KCNQ4: variants seen among roughly 807,000 people sequenced by gnomAD.
KCNQ4 encodes the protein potassium voltage-gated channel subfamily KQT member 4.
Under a neutral mutation model 72.6 loss-of-function variants are expected in KCNQ4, and 31 were observed. The ratio of observed to expected loss-of-function variants is 0.43; its 90% confidence interval spans 0.32 to 0.58. The LOEUF (loss-of-function observed/expected upper bound fraction) is 0.58, where lower values mean the gene tolerates loss of function less well. KCNQ4 is among the 20% of genes least tolerant of loss of function. The probability of loss-of-function intolerance (pLI) is 0.08; values close to 1 mark genes in which losing one functional copy is unlikely to be tolerated. For missense variants in KCNQ4, 869 were observed against 962.6 expected (o/e 0.90, Z 1.29); for synonymous variants, 405 against 403.7 (o/e 1.00, Z -0.04).
In KCNQ4 at chr1:40,819,348, A is replaced by G. The variant is rs1648206112; in HGVS notation, c.710A>G (p.Glu237Gly). The change falls in exon 5 of 14, where the codon GAG (glutamate) becomes GGG (glycine). Residue 237 changes from glutamate to glycine, a missense_variant and splice_region_variant. Physicochemically the swap from Glu to Gly is moderately conservative, Grantham distance 98 (BLOSUM62 -2). This residue lies in a region of KCNQ4 where 179 missense variants were observed against 243.0 expected (regional missense o/e 0.74). Transcript: ENST00000347132. ...LGSVVYAHSK[E>G]LITAWYIGFL... ...CGCGCCCCTCCGCCTGCCCCGCAGGAGCTGATCACCGCCTGGTACATCGGG... is the reference window on the plus strand; with the variant it reads ...CGCGCCCCTCCGCCTGCCCCGCAGGGGCTGATCACCGCCTGGTACATCGGG... 1 of 1,613,462 alleles carries G rather than the reference A, an allele frequency of 6.2e-7. No individual in the cohort carries two copies. The highest frequency in any genetic ancestry group is 1.7e-5 in the Admixed American group (1 of 59,994).
chr1:40,784,428 C>G lies in KCNQ4; in HGVS notation c.314+21C>G, dbSNP rs1048822867. The stretch of plus-strand genomic sequence containing the variant: ...TTCATGTGAGTTTGCGACCCCGCGC[C>G]CTTCCGCGTTTCCCCGCGCAAGCCT... On this transcript the variant is annotated intron_variant, in intron 1 of 13. Transcript: ENST00000347132. The surrounding 1 kb of genome is among the most constrained non-coding windows in gnomAD (Gnocchi z 4.1). The G allele has an allele frequency of 2.5e-6, 4 of 1,603,982 alleles. No individual in the cohort carries two copies. The highest frequency in any genetic ancestry group is 3.4e-6 in the Non-Finnish European group (4 of 1,177,764).
chr1:40,819,082 G>A, intron 4 of KCNQ4: 1 of 545,578 alleles, frequency 1.8e-6, no homozygotes, highest in Non-Finnish European at 3.4e-6. Context: ...AAGGTAGGCC[G>A]GGTGCTGGAG....
intron 1 of KCNQ4, among the ~76,000 whole-genome samples, chr1:40,789,379 G>A (rs769721203): frequency 3.9e-5 from 6 of 152,192 alleles, no homozygotes; most frequent in Non-Finnish European, 5.9e-5. Context: ...TCCTAACCTA[G>A]CCAACAGGGG....
intron 1 of KCNQ4, among the ~76,000 whole-genome samples, chr1:40,805,787 C>T (rs1412485925): frequency 6.6e-6 from 1 of 152,066 alleles, no homozygotes; most frequent in Non-Finnish European, 1.5e-5. Flanking sequence ...CCTGGGCCCA[C>T]AACTCAGTGG....
intron 11 of KCNQ4, among the ~76,000 whole-genome samples, chr1:40,834,154 AC>A (rs1043269431): frequency 2.7e-5 from 4 of 149,436 alleles, no homozygotes; most frequent in African/African-American, 9.9e-5. Context: ...CTGACCTGCC[AC>A]CTGACCCAAG....
chr1:40,801,862 A>T (rs1454529467), intron 1 of KCNQ4, among the ~76,000 whole-genome samples: 1 of 151,420 alleles, frequency 6.6e-6, no homozygotes. Context: ...CTTCCTACTC[A>T]CTCCTGACTT....
chr1:40,806,663 G>GGC (rs1647769907), intron 1 of KCNQ4, among the ~76,000 whole-genome samples: 1 of 150,398 alleles, frequency 6.6e-6, no homozygotes, highest in Non-Finnish European at 1.5e-5. Context: ...AAGAAAAATT[G>GGC]GCTTCTGGAG....
Position 40,839,086 on chromosome 1 carries a change from G to T in KCNQ4, c.*563G>T. 6.1e-6 allele frequency: 1 copy of T among 163,792 alleles called. No individual in the cohort carries two copies. The highest frequency in any genetic ancestry group is 1.3e-5 in the Non-Finnish European group (1 of 74,310). The allele number at this position is 163,792 out of a possible 1,614,324, so 10.1% of individuals were successfully genotyped here. ...TTGGGGACCCCCATGGGGTCTCTCT[G>T]TCCCTCCCCCATTGGGAGCTGGGCC... On this transcript the variant is annotated 3_prime_UTR_variant, in exon 14 of 14. Coordinates refer to ENST00000347132, the MANE Select transcript of KCNQ4 (RefSeq NM_004700.4).
At position 40,820,273 on chromosome 1, in the gene KCNQ4, C is replaced by A. The variant is rs537649802; in HGVS notation, c.1041+13C>A. 1.3e-6 allele frequency: 2 copies of A among 1,586,432 alleles called. No homozygotes were observed. Among genetic ancestry groups the A allele is most frequent in the East Asian group, 2.3e-5 (1 of 43,258 alleles). ...CAACCTCATCCAGGTACAAGATGCC[C>A]GGGAAGAAGCCCTAGGAGCAGGGCC... On this transcript the variant is annotated intron_variant, in intron 7 of 13. Transcript: ENST00000347132.
intron 10 of KCNQ4, among the ~76,000 whole-genome samples, chr1:40,832,386 G>C (rs1202693510): frequency 6.6e-6 from 1 of 152,176 alleles, no homozygotes; most frequent in Non-Finnish European, 1.5e-5. Context: ...GCCCATAGAA[G>C]CCTGGGCACA....
chr1:40,795,978 T>C (rs1647397769), intron 1 of KCNQ4, among the ~76,000 whole-genome samples: 1 of 152,116 alleles, frequency 6.6e-6, no homozygotes, highest in Admixed American at 6.5e-5. Context: ...ATTATCCCCA[T>C]TGGATGGAAG....
intron 5 of KCNQ4, 34 bp downstream of exon 5, chr1:40,819,506 C>A: frequency 6.2e-7 from 1 of 1,612,094 alleles, no homozygotes; most frequent in Non-Finnish European, 8.5e-7. Context: ...TGCCCTTCTC[C>A]CTGGGATCCT....
At chr1:40,811,105 C>T (rs916717389) in intron 1 of KCNQ4, among the ~76,000 whole-genome samples, 2 of 152,106 alleles carry the variant, frequency 1.3e-5, no homozygotes, top group Non-Finnish European at 2.9e-5. Flanking sequence ...GGTACGGTTC[C>T]ATGGGGTCAC....
intron 1 of KCNQ4, among the ~76,000 whole-genome samples, chr1:40,800,095 A>G (rs1270392869): frequency 1.3e-5 from 2 of 152,124 alleles, no homozygotes; most frequent in African/African-American, 4.8e-5. Context: ...ACTTATGCCT[A>G]CTTCCAGGGT....
At chr1:40,818,352 C>T (rs1648162428) in intron 3 of KCNQ4, 62 bp downstream of exon 3, 2 of 1,607,716 alleles carry the variant, frequency 1.2e-6, no homozygotes, top group Non-Finnish European at 1.7e-6. Context: ...GACGCCTTTA[C>T]TCCCAATCCC....
rs889628708 is a variant in KCNQ4 at position 40,822,223 on chromosome 1, G to A, written c.1042-91G>A. 6.3e-6 allele frequency: 7 copies of A among 1,104,232 alleles called. No homozygotes were observed. In the Admixed American group the frequency reaches 1.2e-4, roughly 19 times the overall value. The allele number at this position is 1,104,232 out of a possible 1,614,324, so 68.4% of individuals were successfully genotyped here. ...TCTGGCTCTGGGTAACCCACAACTG[G>A]ACCAAGGACTGGGTTCTTTCAGGGG... On this transcript the variant is annotated intron_variant, in intron 7 of 13. Coordinates refer to ENST00000347132, the MANE Select transcript of KCNQ4 (RefSeq NM_004700.4).
At chr1:40,801,630 C>T (rs1339122255) in intron 1 of KCNQ4, among the ~76,000 whole-genome samples, 4 of 152,210 alleles carry the variant, frequency 2.6e-5, no homozygotes, top group Non-Finnish European at 2.9e-5. Context: ...TATCTATCCC[C>T]GGTGTCTACC....
chr1:40,807,720 G>A (rs575861661), intron 1 of KCNQ4, among the ~76,000 whole-genome samples: 1 of 152,314 alleles, frequency 6.6e-6, no homozygotes, highest in African/African-American at 2.4e-5. Context: ...GGTTTAAGGA[G>A]CCCCTTTCTT....
chr1:40,838,250 C>T, intron 13 of KCNQ4, 61 bp from the exon 14 acceptor site: 3 of 1,475,604 alleles, frequency 2.0e-6, no homozygotes, highest in Non-Finnish European at 2.8e-6. Flanking sequence ...ACCCAAGCCC[C>T]GCCCCCGGCC....
Sources: gnomAD v4.1 joint callset for allele counts (sites outside exome capture counted in the v4.1 genomes callset) on GRCh38, gnomAD v4.1.1 for gene constraint, gnomAD v4.1.1 regional missense constraint, Gnocchi (gnomAD v3.1) non-coding constraint, MANE v1.5 for transcripts, NCBI Gene and HGNC (gene_info 2026-07-23, HGNC 2026-07-21) for gene names.